TMEM114: variants seen among roughly 807,000 people sequenced by gnomAD.
TMEM114 encodes transmembrane protein 114.
TMEM114 carries 6 observed loss-of-function variants against 6.2 expected under a neutral mutation model. The observed-to-expected ratio is 0.97, with a 90% CI of 0.53 to 1.91. The LOEUF is 1.91. Among genes scored for constraint, TMEM114 ranks in the 40% most tolerant of loss-of-function variants. TMEM114 has a pLI of 0.01. For missense variants in TMEM114, 218 were observed against 158.3 expected (o/e 1.38, Z -2.02); for synonymous variants, 104 against 73.0 (o/e 1.42, Z -2.16).
intron 2 of TMEM114, among the ~76,000 whole-genome samples, chr16:8,547,638 G>A (rs181695364): frequency 1.2e-4 from 18 of 152,134 alleles, no homozygotes; most frequent in African/African-American, 3.9e-4. Flanking sequence ...TGATCCACCC[G>A]CCTCGGCCTC....
chr16:8,553,234 A>T (rs754323142), intron 2 of TMEM114, among the ~76,000 whole-genome samples: 59 of 152,208 alleles, frequency 3.9e-4, no homozygotes, highest in Non-Finnish European at 7.1e-4. Context: ...ACCAAGAATC[A>T]AGACCTGTGA....
At chr16:8,544,902 C>T (rs1408607455) in intron 2 of TMEM114, among the ~76,000 whole-genome samples, 1 of 150,654 alleles carries the variant, frequency 6.6e-6, no homozygotes, top group African/African-American at 2.4e-5. Context: ...CAAGTGGTTA[C>T]TCTTCTCCTC....
Position 8,574,561 on chromosome 16 carries a change from C to T in TMEM114, c.302-2337G>A, listed in dbSNP as rs182836382. ...ACCTGTGGTCTTTCCTTCTTTCTTT[C>T]TTTCTTTCTTTCCTTCCTTCCTTCT... On this transcript the variant is annotated intron_variant, in intron 2 of 3. Coordinates refer to ENST00000620492, the MANE Select transcript of TMEM114 (RefSeq NM_001146336.2). 2.1e-5 allele frequency among the ~76,000 whole-genome samples: 3 copies of T among 142,958 alleles called. No homozygotes were observed. The East Asian group carries it at 6.0e-4, about 28-fold the overall frequency. The allele number at this position is 142,958 out of a possible 152,430, so 93.8% of individuals were successfully genotyped here. A position where few individuals can be genotyped will look rare whatever the true frequency, so the allele number is the denominator to read the frequency against.
At chr16:8,556,803 C>A (rs541166983) in intron 2 of TMEM114, among the ~76,000 whole-genome samples, 93 of 152,204 alleles carry the variant, frequency 6.1e-4, no homozygotes, top group African/African-American at 1.9e-3. Context: ...GCGCCTGACC[C>A]GTGTGCACTT....
intron 2 of TMEM114, among the ~76,000 whole-genome samples, chr16:8,564,489 A>ATGAGTGAATGAGTGAG (rs539450510): frequency 0.82 from 79,140 of 96,794 alleles, 34,074 homozygotes; most frequent in Non-Finnish European, 0.84. Context: ...GAGGGAATGA[A>ATGAGTGAATGAGTGAG]TGAGTGAATG....
exon 3 of TMEM114, chr16:8,537,706 G>A (rs13337196): frequency 5.3e-5 from 8 of 151,658 alleles, no homozygotes; most frequent in East Asian, 1.9e-4. Context: ...GGTTTTATCC[G>A]CCATTCTGTT....
At chr16:8,536,371 C>G (rs1900360037), downstream of TMEM114, among the ~76,000 whole-genome samples, 1 of 152,184 alleles carries the variant, frequency 6.6e-6, no homozygotes, top group Non-Finnish European at 1.5e-5. Context: ...GCTAACTTCA[C>G]CACACCTTGA....
intron 2 of TMEM114, among the ~76,000 whole-genome samples, chr16:8,544,614 A>G (rs1001460793): frequency 6.6e-6 from 1 of 152,224 alleles, no homozygotes; most frequent in Non-Finnish European, 1.5e-5. Flanking sequence ...GACGTTGCTG[A>G]TAAGTTTAGA....
chr16:8,539,969 C>A (rs1216521561), intron 2 of TMEM114, among the ~76,000 whole-genome samples: 1 of 152,006 alleles, frequency 6.6e-6, no homozygotes, highest in Non-Finnish European at 1.5e-5. Context: ...AGGCACATGC[C>A]ACCATGCCTG....
chr16:8,530,315 C>A, the TMEM114 span, among the ~76,000 whole-genome samples: 1 of 152,148 alleles, frequency 6.6e-6, no homozygotes, highest in Non-Finnish European at 1.5e-5. Flanking sequence ...AGACCTGGCT[C>A]CACATGGCTC....
chr16:8,589,488 C>A (rs1416828734), intron 1 of TMEM114, 131 bp downstream of exon 1: 4 of 397,982 alleles, frequency 1.0e-5, no homozygotes, highest in Non-Finnish European at 1.8e-5. Flanking sequence ...CACCTTCCCC[C>A]CGAGTCCCTA....
chr16:8,565,948 G>A (rs1355334817), downstream of TMEM114, among the ~76,000 whole-genome samples: 1 of 152,202 alleles, frequency 6.6e-6, no homozygotes, highest in Non-Finnish European at 1.5e-5. Flanking sequence ...TCAAGAGAGA[G>A]TCCAAGTGGA....
chr16:8,580,224 T>C lies in TMEM114; in HGVS notation c.302-8000A>G, dbSNP rs112145526. Among the ~76,000 whole-genome samples the C allele has an allele frequency of 1.4e-3, 213 of 152,238 alleles. 1 individual carries two copies. Among genetic ancestry groups the C allele is most frequent in the African/African-American group, 5.0e-3 (207 of 41,524 alleles). On this transcript the variant is annotated intron_variant, in intron 2 of 3. Coordinates refer to ENST00000620492, the MANE Select transcript of TMEM114 (RefSeq NM_001146336.2). Reference sequence around the variant, plus strand: ...TTAAAACAAGGCCCGGCACGATGCATGCCTGTAATCCCAGCACTTAGGGAG... The same window carrying C: ...TTAAAACAAGGCCCGGCACGATGCACGCCTGTAATCCCAGCACTTAGGGAG...
At chr16:8,564,751 GAATGAGTGAGTGAATGAGTA>G (rs1221261693), downstream of TMEM114, among the ~76,000 whole-genome samples, 7 of 151,042 alleles carry the variant, frequency 4.6e-5, no homozygotes, top group Non-Finnish European at 7.4e-5. Context: ...GGGAATGAGT[GAATGAGTGAGTGAATGAGTA>G]AATGAGTGAG....
At chr16:8,574,681 C>T (rs182861432) in intron 2 of TMEM114, among the ~76,000 whole-genome samples, 107 of 152,050 alleles carry the variant, frequency 7.0e-4, no homozygotes, top group African/African-American at 2.3e-3. Flanking sequence ...TCCATCCCCC[C>T]ACACACCATC....
Position 8,550,685 on chromosome 16 carries a change from C to CAA in TMEM114, n.213-12861_213-12860dup, listed in dbSNP as rs1218385833. On this transcript the variant is annotated intron_variant and non_coding_transcript_variant, in intron 2 of 2. Coordinates refer to the TMEM114 transcript ENST00000623677. ...AAGAGCAAAACTTCGTCAAAAAAAA[C>CAA]AAAAAAAAAAAAACCAAAAAAAAAA... 1.4e-4 allele frequency among the ~76,000 whole-genome samples: 6 copies of CAA among 42,596 alleles called. No individual in the cohort carries two copies. In the East Asian group the frequency reaches 1.8e-3, roughly 13 times the overall value. 27.9% of individuals were successfully genotyped at this position (42,596 alleles called of 152,430 possible).
chr16:8,540,374 A>G (rs1397441518), intron 2 of TMEM114, among the ~76,000 whole-genome samples: 3 of 152,224 alleles, frequency 2.0e-5, no homozygotes, highest in Non-Finnish European at 4.4e-5. Context: ...GTATCATTAT[A>G]TCAACCTCAG....
chr16:8,572,125 A>G lies in TMEM114; in HGVS notation c.401T>C (p.Leu134Pro). The change falls in exon 3 of 4, where the codon CTC (leucine) becomes CCC (proline). Residue 134 changes from leucine to proline, a missense_variant. Coordinates refer to ENST00000620492, the MANE Select transcript of TMEM114 (RefSeq NM_001146336.2). ...GFLSFLLQAY[L>P]LLLLTGILFL... ...GAGAATTCCAGTGAGCAGGAGGAGG[A>G]GGTAGGCTTGGAGGAGGAAGCTCAG... is the stretch of plus-strand genomic sequence containing the variant. 6.4e-7 allele frequency: 1 copy of G among 1,551,482 alleles called. No individual in the cohort carries two copies. The highest frequency in any genetic ancestry group is 1.2e-5 in the South Asian group (1 of 84,028).
chr16:8,574,029 A>G (rs1901829800), intron 2 of TMEM114, among the ~76,000 whole-genome samples: 1 of 152,218 alleles, frequency 6.6e-6, no homozygotes, highest in Non-Finnish European at 1.5e-5. Context: ...ATTTTGAGCT[A>G]GACAGTGTGG....
Sources: gnomAD v4.1 joint callset for allele counts (sites outside exome capture counted in the v4.1 genomes callset) on GRCh38, gnomAD v4.1.1 for gene constraint, MANE v1.5 for transcripts, NCBI Gene and HGNC (gene_info 2026-07-23, HGNC 2026-07-21) for gene names.